BTRC: variants seen among roughly 807,000 people sequenced by gnomAD.
BTRC encodes beta-transducin repeat containing E3 ubiquitin protein ligase, also known as F-box/WD repeat-containing protein 1A.
In BTRC, 42 loss-of-function variants were observed where a neutral mutation model predicts 85.5. The observed-to-expected ratio is 0.49, with a 90% CI of 0.38 to 0.64. The LOEUF (loss-of-function observed/expected upper bound fraction) is 0.64. Among genes scored for constraint, BTRC ranks in the 30% least tolerant of loss-of-function variants. The pLI is 0.00. For missense variants in BTRC, 594 were observed against 743.5 expected (o/e 0.80, Z 2.34); for synonymous variants, 255 against 263.3 (o/e 0.97, Z 0.30).
intron 1 of BTRC, among the ~76,000 whole-genome samples, chr10:101,390,353 TCC>T (rs764509406): frequency 7.0e-6 from 1 of 142,706 alleles, no homozygotes; most frequent in African/African-American, 2.5e-5. Flanking sequence ...TTTTTTTTTT[TCC>T]GAGACGGAGT....
chr10:101,385,366 C>CAAA (rs10718968), intron 1 of BTRC, among the ~76,000 whole-genome samples: 6 of 82,912 alleles, frequency 7.2e-5, no homozygotes, highest in Non-Finnish European at 1.2e-4. Context: ...GACTCTGTCT[C>CAAA]AAAAAAAAAA....
intron 1 of BTRC, among the ~76,000 whole-genome samples, chr10:101,356,420 G>T (rs1227976376): frequency 1.3e-5 from 2 of 152,222 alleles, no homozygotes; most frequent in East Asian, 3.8e-4. Flanking sequence ...CTTCAGCCTA[G>T]TAACATTCTC....
chr10:101,375,284 C>G (rs1942761176), intron 1 of BTRC, among the ~76,000 whole-genome samples: 1 of 151,980 alleles, frequency 6.6e-6, no homozygotes, highest in South Asian at 2.1e-4. Flanking sequence ...CTCTTCCCCC[C>G]TTCTCTTCTT....
chr10:101,481,100 C>T (rs973429955), intron 4 of BTRC, among the ~76,000 whole-genome samples: 44 of 151,800 alleles, frequency 2.9e-4, no homozygotes, highest in Non-Finnish European at 1.6e-4. Context: ...TTTTGGTTTT[C>T]GGTTTTTTAG....
intron 1 of BTRC, among the ~76,000 whole-genome samples, chr10:101,366,790 T>TAATATATA (rs1448574403): frequency 3.4e-5 from 2 of 59,128 alleles, no homozygotes; most frequent in Non-Finnish European, 7.3e-5. Context: ...ATATATATAT[T>TAATATATA]TTTACATTTA....
Position 101,542,170 on chromosome 10 carries a change from G to A in BTRC, c.1656+3799G>A, listed in dbSNP as rs543391398. Among the ~76,000 whole-genome samples the A allele has an allele frequency of 1.6e-4, 25 of 152,042 alleles. No homozygotes were observed. The South Asian group carries it at 2.7e-3, about 16-fold the overall frequency. ...CTTTTGTCTTCCAAGCAGTTTGGCC[G>A]TTTTATCTAAATTATGAAATTTATT... On this transcript the variant is annotated intron_variant, in intron 13 of 14. Coordinates refer to ENST00000370187, the MANE Select transcript of BTRC (RefSeq NM_033637.4).
intron 9 of BTRC, among the ~76,000 whole-genome samples, chr10:101,533,412 A>G (rs1380379602): frequency 1.3e-5 from 2 of 152,198 alleles, no homozygotes; most frequent in East Asian, 3.8e-4. Context: ...CCTTTCAGGT[A>G]GTGGTAACTG....
At chr10:101,438,419 C>A (rs1944590867) in intron 2 of BTRC, among the ~76,000 whole-genome samples, 1 of 44,654 alleles carries the variant, frequency 2.2e-5, no homozygotes, top group Non-Finnish European at 4.1e-5. Context: ...AGCGAGACTG[C>A]CTCAAAAAAA....
chr10:101,536,582 A>C lies in BTRC; in HGVS notation c.1506A>C (p.Leu502Phe), dbSNP rs1275556018. 15 of 1,613,938 alleles carry C rather than the reference A, an allele frequency of 9.3e-6. No individual in the cohort carries two copies. Among genetic ancestry groups the C allele is most frequent in the Non-Finnish European group, 1.3e-5 (15 of 1,179,838 alleles). ...AATGTGGTGCATGTTTACGAGTGTT[A>C]GAAGGCCATGAGGAATTGGTGCGTT... ...DIECGACLRV[L>F]EGHEELVRCI... is the part of the protein sequence containing the mutation. The change falls in exon 12 of 15, where the codon TTA becomes TTC. Residue 502 changes from leucine (L) to phenylalanine (F), a missense_variant. Transcript: ENST00000370187.
chr10:101,406,105 A>G (rs921100653), intron 1 of BTRC, among the ~76,000 whole-genome samples: 1 of 151,170 alleles, frequency 6.6e-6, no homozygotes, highest in South Asian at 2.1e-4. Flanking sequence ...GTAGTGGTAC[A>G]TATACTTTTA....
rs1007738782 is a variant in BTRC, at chr10:101,548,730, C to T, written c.1657-1969C>T. Among the ~76,000 whole-genome samples, 5 of 151,526 alleles carry T rather than the reference C, an allele frequency of 3.3e-5. 1 individual carries two copies. The South Asian group carries it at 6.3e-4, about 19-fold the overall frequency. On this transcript the variant is annotated intron_variant, in intron 13 of 14. Transcript: ENST00000370187. ...TTGCACCACTGCACTCCAGCCTGAG[C>T]GACAGAGCAAGACTCCATCTCCAAA...
intron 4 of BTRC, among the ~76,000 whole-genome samples, chr10:101,490,833 C>T (rs975152961): frequency 2.6e-5 from 4 of 151,948 alleles, no homozygotes; most frequent in East Asian, 1.9e-4. Context: ...CCTAGGTGGG[C>T]GGATCACTTG....
intron 13 of BTRC, among the ~76,000 whole-genome samples, chr10:101,547,749 A>G (rs1419380402): frequency 1.3e-5 from 2 of 152,194 alleles, no homozygotes; most frequent in Non-Finnish European, 2.9e-5. Flanking sequence ...TTTTTAAAAA[A>G]TCTCGACAAA....
At chr10:101,475,954 T>TATATATATATATA (rs1554884571) in intron 3 of BTRC, among the ~76,000 whole-genome samples, 238 of 133,988 alleles carry the variant, frequency 1.8e-3, no homozygotes, top group Non-Finnish European at 2.3e-3. Flanking sequence ...TATATATATA[T>TATATATATATATA]TCAGTAATTC....
At chr10:101,375,456 A>G (rs931604135) in intron 1 of BTRC, among the ~76,000 whole-genome samples, 2 of 152,190 alleles carry the variant, frequency 1.3e-5, no homozygotes, top group Non-Finnish European at 2.9e-5. Context: ...CTTTTCTTAT[A>G]AATTACCCAG....
chr10:101,420,628 C>T (rs1330402548), intron 1 of BTRC, among the ~76,000 whole-genome samples: 1 of 152,012 alleles, frequency 6.6e-6, no homozygotes, highest in Non-Finnish European at 1.5e-5. Context: ...ATGCTGGGTC[C>T]CCCTCCCAGC....
chr10:101,487,499 A>G (rs992772455), intron 4 of BTRC, among the ~76,000 whole-genome samples: 3 of 152,294 alleles, frequency 2.0e-5, no homozygotes, highest in Admixed American at 2.0e-4. Flanking sequence ...GGGTTTAACT[A>G]ATGGCTGATT....
chr10:101,470,329 C>CTTTTTTTTTTTTT (rs950644281), intron 3 of BTRC, among the ~76,000 whole-genome samples: 10 of 94,904 alleles, frequency 1.1e-4, no homozygotes, highest in Non-Finnish European at 2.0e-4. Flanking sequence ...ATTTTTCTTT[C>CTTTTTTTTTTTTT]TTTTTTTTTT....
intron 1 of BTRC, among the ~76,000 whole-genome samples, chr10:101,393,464 C>T (rs762456936): frequency 1.3e-4 from 19 of 151,946 alleles, no homozygotes; most frequent in Non-Finnish European, 1.6e-4. Context: ...AGATGAGGCC[C>T]GAGGCTCTCT....
Sources: gnomAD v4.1 joint callset for allele counts (sites outside exome capture counted in the v4.1 genomes callset) on GRCh38, gnomAD v4.1.1 for gene constraint, MANE v1.5 for transcripts, NCBI Gene and HGNC (gene_info 2026-07-23, HGNC 2026-07-21) for gene names.